The following SLC22A24 variants were observed in gnomAD, a reference collection of about 807,000 sequenced individuals.
The protein encoded by SLC22A24 is steroid transmembrane transporter SLC22A24.
A neutral mutation model predicts 49.8 loss-of-function variants in SLC22A24; 53 were observed. The observed-to-expected ratio is 1.06, with a 90% CI of 0.85 to 1.34. The LOEUF (loss-of-function observed/expected upper bound fraction) is 1.34, where lower values mean the gene tolerates loss of function less well. SLC22A24 is among the 40% of genes most tolerant of loss of function. The pLI, the probability that SLC22A24 is intolerant of heterozygous loss-of-function variation, is 0.00. For synonymous variants in SLC22A24, 302 were observed against 256.4 expected (o/e 1.18, Z -1.70); for missense variants, 786 against 675.9 (o/e 1.16, Z -1.81).
At chr11:63,087,977 C>T (rs189595571) in intron 6 of SLC22A24, among the ~76,000 whole-genome samples, 221 of 152,196 alleles carry the variant, frequency 1.5e-3, no homozygotes, top group African/African-American at 4.8e-3. Flanking sequence ...TGGCTGTGGG[C>T]GCAGCTTCAG....
chr11:63,094,731 G>C (rs534918646), intron 6 of SLC22A24, among the ~76,000 whole-genome samples: 13 of 152,312 alleles, frequency 8.5e-5, no homozygotes, highest in African/African-American at 2.9e-4. Context: ...CTGATGGCCA[G>C]TGATGGTGAG....
chr11:63,117,980 A>G (rs557675197), intron 4 of SLC22A24, among the ~76,000 whole-genome samples: 11 of 152,296 alleles, frequency 7.2e-5, no homozygotes, highest in Admixed American at 2.0e-4. Context: ...CCAAATTGTT[A>G]TCCATCACTT....
chr11:63,111,215 G>A (rs2087161483), intron 4 of SLC22A24, among the ~76,000 whole-genome samples: 2 of 151,756 alleles, frequency 1.3e-5, no homozygotes, highest in South Asian at 4.2e-4. Context: ...GATCATGGTG[G>A]ATAAGCTTTT....
At chr11:63,117,933 T>C (rs1303914707) in intron 4 of SLC22A24, among the ~76,000 whole-genome samples, 1 of 152,204 alleles carries the variant, frequency 6.6e-6, no homozygotes, top group Non-Finnish European at 1.5e-5. Flanking sequence ...GTTCCTCAGC[T>C]TCTAATTTTC....
chr11:63,133,360 C>T (rs1190623960), intron 2 of SLC22A24, among the ~76,000 whole-genome samples: 1 of 152,176 alleles, frequency 6.6e-6, no homozygotes. Context: ...CCAGGTACCT[C>T]AGCTGGAAAT....
chr11:63,142,607 C>T (rs1367418619), intron 1 of SLC22A24, among the ~76,000 whole-genome samples: 4 of 152,130 alleles, frequency 2.6e-5, no homozygotes, highest in African/African-American at 9.7e-5. Flanking sequence ...CAGCTGGAGG[C>T]TACAAGATTC....
At chr11:63,116,003 A>G (rs2087210467) in intron 4 of SLC22A24, 1 of 329,988 alleles carries the variant, frequency 3.0e-6, no homozygotes, top group African/African-American at 2.1e-5. Context: ...GCCCCTTGAC[A>G]ACATGGGCAA....
chr11:63,116,751 C>G (rs917829429), intron 4 of SLC22A24, among the ~76,000 whole-genome samples: 1 of 152,274 alleles, frequency 6.6e-6, no homozygotes, highest in Admixed American at 6.5e-5. Flanking sequence ...TAGAGTCTCA[C>G]ATGTCCTCAA....
At chr11:63,125,134 T>C (rs879803399) in intron 2 of SLC22A24, among the ~76,000 whole-genome samples, 11 of 151,664 alleles carry the variant, frequency 7.3e-5, no homozygotes, top group Non-Finnish European at 1.3e-4. Context: ...CAAAAAAACA[T>C]TTCATTGAAG....
chr11:63,104,567 C>T (rs764439959), intron 4 of SLC22A24, among the ~76,000 whole-genome samples: 1 of 152,034 alleles, frequency 6.6e-6, no homozygotes, highest in Non-Finnish European at 1.5e-5. Flanking sequence ...GACTGGGTAA[C>T]TTATAAAGAA....
intron 2 of SLC22A24, among the ~76,000 whole-genome samples, chr11:63,131,950 C>T (rs770060736): frequency 5.3e-5 from 8 of 152,066 alleles, no homozygotes; most frequent in Non-Finnish European, 1.0e-4. Context: ...TCACTTAGTC[C>T]CATATTTCTT....
Position 63,081,075 on chromosome 11 carries a change from T to G in SLC22A24, c.1443A>C (p.Ala481=). 6.4e-7 allele frequency: 1 copy of G among 1,551,688 alleles called. No homozygotes were observed. Among genetic ancestry groups the G allele is most frequent in the Non-Finnish European group, 8.7e-7 (1 of 1,146,946 alleles). ...INAVSGRTGA[A]LAPLLMTLMA... is the part of the protein sequence containing the mutation. Reference sequence around the variant, plus strand: ...TTAAGGTCATCAACAGAGGAGCCAGTGCTGCCCCAGTCCTACCGGACACTG... The same window carrying G: ...TTAAGGTCATCAACAGAGGAGCCAGGGCTGCCCCAGTCCTACCGGACACTG... Residue 481 remains alanine, a synonymous_variant, in exon 9 of 10, where the codon GCA becomes GCC. Transcript: ENST00000612278.
rs1194825905 is a variant in SLC22A24 at position 63,081,112 on chromosome 11, G to A, written c.1406C>T (p.Ala469Val). The A allele has an allele frequency of 1.3e-6, 2 of 1,551,320 alleles. No homozygotes were observed. Among genetic ancestry groups the A allele is most frequent in the Admixed American group, 2.0e-5 (1 of 50,980 alleles). Residue 469 changes from alanine to valine, a missense_variant, in exon 9 of 10, where the codon GCA becomes GTA. Ala to Val is a moderately conservative substitution (Grantham distance 64, BLOSUM62 0). Coordinates refer to ENST00000612278, the MANE Select transcript of SLC22A24 (RefSeq NM_001136506.2). ...LVPTILRSTV[A>V]GINAVSGRTG... ...CCTACCGGACACTGCATTGATTCCT[G>A]CAACTGTTGACCTTAGAGTGCAAAT... is the stretch of plus-strand genomic sequence containing the variant.
chr11:63,082,835 T>C (rs370934756), intron 7 of SLC22A24, among the ~76,000 whole-genome samples: 7 of 152,242 alleles, frequency 4.6e-5, no homozygotes, highest in East Asian at 1.9e-4. Context: ...AATTAGAAAG[T>C]GTCCTAGACA....
rs532105556 is a variant in SLC22A24 at position 63,096,021 on chromosome 11, C to T, written c.1040G>A (p.Arg347Gln). 22 of 1,550,656 alleles carry T rather than the reference C, an allele frequency of 1.4e-5. No homozygotes were observed. In the African/African-American group the frequency reaches 2.2e-4, roughly 15 times the overall value. ...AAAGCACAGGCCGAAGACTCTCATT[C>T]GCAATTTGGGTGCACGGAACAGGGA... ...IFSLFRAPKL[R>Q]MRVFGLCFVR... The change falls in exon 6 of 10, where the codon CGA (arginine) becomes CAA (glutamine). Residue 347 changes from arginine to glutamine, a missense_variant. Physicochemically the swap from Arg to Gln is conservative, Grantham distance 43. Coordinates refer to ENST00000612278, the MANE Select transcript of SLC22A24 (RefSeq NM_001136506.2).
At chr11:63,085,527 G>A (rs111275386) in intron 6 of SLC22A24, among the ~76,000 whole-genome samples, 5,951 of 152,222 alleles carry the variant, frequency 0.039, 169 homozygotes, top group Non-Finnish European at 0.063. Flanking sequence ...GCAGGTTTTC[G>A]TCTGAGACAT....
chr11:63,125,709 C>G (rs983737807), intron 2 of SLC22A24, among the ~76,000 whole-genome samples: 24 of 152,290 alleles, frequency 1.6e-4, no homozygotes, highest in African/African-American at 4.6e-4. Flanking sequence ...ATTTCTGGTT[C>G]TAGATCCTTG....
At chr11:63,121,628 CTTTT>C (rs925682872) in intron 2 of SLC22A24, among the ~76,000 whole-genome samples, 2 of 151,754 alleles carry the variant, frequency 1.3e-5, no homozygotes, top group East Asian at 3.9e-4. Context: ...TTTTATTTTA[CTTTT>C]TTTAAGTTTA....
At chr11:63,089,714 G>C (rs2087007007) in intron 6 of SLC22A24, among the ~76,000 whole-genome samples, 1 of 151,980 alleles carries the variant, frequency 6.6e-6, no homozygotes, top group Non-Finnish European at 1.5e-5. Context: ...TCAAGAAAAT[G>C]GCAAGCAAAA....
Sources: gnomAD v4.1 joint callset for allele counts (sites outside exome capture counted in the v4.1 genomes callset) on GRCh38, gnomAD v4.1.1 for gene constraint, MANE v1.5 for transcripts, NCBI Gene and HGNC (gene_info 2026-07-23, HGNC 2026-07-21) for gene names.